Variants in DLGAP2 observed in about 807,000 individuals in gnomAD.
The protein encoded by DLGAP2 is disks large-associated protein 2.
A neutral mutation model predicts 100.3 loss-of-function variants in DLGAP2; 26 were observed. The observed-to-expected ratio is 0.26, with a 90% CI of 0.19 to 0.36. The LOEUF is 0.36. Ranked by LOEUF, DLGAP2 falls within the 10% of genes least tolerant of loss-of-function variation. The probability of loss-of-function intolerance (pLI) is 1.00; values close to 1 mark genes in which losing one functional copy is unlikely to be tolerated. For synonymous variants in DLGAP2, 886 were observed against 630.1 expected, an observed-to-expected ratio of 1.41 and a Z score of -6.08; for missense variants, 1,858 against 1,453.2, an observed-to-expected ratio of 1.28 and a Z score of -4.53.
At chr8:1,416,519 G>A (rs1319734305) in intron 3 of DLGAP2, among the ~76,000 whole-genome samples, 1 of 152,180 alleles carries the variant, frequency 6.6e-6, no homozygotes, top group Non-Finnish European at 1.5e-5. Context: ...TGGAGTTCTA[G>A]CCCCGCTGAA....
At chr8:760,598 G>C (rs951548251) in intron 1 of DLGAP2, among the ~76,000 whole-genome samples, 2 of 152,190 alleles carry the variant, frequency 1.3e-5, no homozygotes, top group Non-Finnish European at 2.9e-5. Flanking sequence ...CTTTAACTCA[G>C]TGTTGTTGCT....
chr8:1,377,403 G>A (rs1378064975), intron 3 of DLGAP2, among the ~76,000 whole-genome samples: 2 of 152,220 alleles, frequency 1.3e-5, no homozygotes, highest in African/African-American at 4.8e-5. Flanking sequence ...AATTAGCCAG[G>A]CGAGGTGGCA....
intron 2 of DLGAP2, among the ~76,000 whole-genome samples, chr8:962,232 C>G (rs1456517322): frequency 6.6e-6 from 1 of 152,144 alleles, no homozygotes; most frequent in Non-Finnish European, 1.5e-5. Flanking sequence ...GTGAAAGGGT[C>G]TCCCATCTCA....
At chr8:1,392,421 C>T (rs894663845) in intron 3 of DLGAP2, among the ~76,000 whole-genome samples, 2 of 152,192 alleles carry the variant, frequency 1.3e-5, no homozygotes, top group Non-Finnish European at 2.9e-5. Context: ...TGGCCCCCGT[C>T]GGCCTGACTT....
At chr8:1,545,673 C>G (rs1801510956) in intron 4 of DLGAP2, among the ~76,000 whole-genome samples, 1 of 152,208 alleles carries the variant, frequency 6.6e-6, no homozygotes, top group Non-Finnish European at 1.5e-5. Context: ...AGCACGCTGC[C>G]ATTGTCATTA....
intron 2 of DLGAP2, among the ~76,000 whole-genome samples, chr8:989,853 C>G (rs774923566): frequency 7.2e-5 from 11 of 152,138 alleles, no homozygotes; most frequent in Non-Finnish European, 1.6e-4. Flanking sequence ...TCTCATGACA[C>G]CAGCTGCTCT....
chr8:1,260,759 T>C (rs963633273), intron 3 of DLGAP2, among the ~76,000 whole-genome samples: 2 of 152,194 alleles, frequency 1.3e-5, no homozygotes, highest in African/African-American at 4.8e-5. Context: ...ACATTCTAGG[T>C]CATGGGATTG....
intron 7 of DLGAP2, among the ~76,000 whole-genome samples, chr8:1,628,529 C>T (rs557719522): frequency 1.2e-4 from 18 of 149,300 alleles, no homozygotes; most frequent in African/African-American, 4.0e-4. Context: ...CCTGAGCTGA[C>T]CTCACATTCT....
chr8:1,168,278 T>C (rs1797059259), intron 2 of DLGAP2, among the ~76,000 whole-genome samples: 2 of 151,950 alleles, frequency 1.3e-5, no homozygotes, highest in Non-Finnish European at 2.9e-5. Context: ...ATCCAGTCTA[T>C]CATTGTTGGA....
chr8:1,707,072 T>C lies in DLGAP2; in HGVS notation c.*5666T>C, dbSNP rs1799728227. ...CAGAAGAAATGTTCGTTACCTACTA[T>C]CAAACTACTTTTTAACAGATTTTGT... On this transcript the variant is annotated 3_prime_UTR_variant, in exon 15 of 15. Transcript: ENST00000637795. 1 of 152,672 alleles carries C rather than the reference T, an allele frequency of 6.5e-6. No homozygotes were observed. The highest frequency in any genetic ancestry group is 2.4e-5 in the African/African-American group (1 of 41,462). The allele number at this position is 152,672 out of a possible 1,614,324, so 9.5% of individuals were successfully genotyped here.
intron 2 of DLGAP2, among the ~76,000 whole-genome samples, chr8:1,128,665 G>T (rs1162880466): frequency 6.6e-6 from 1 of 152,178 alleles, no homozygotes; most frequent in African/African-American, 2.4e-5. Flanking sequence ...CCTGTCCCTG[G>T]TGTTAAGAGA....
At chr8:890,889 C>A (rs959372796) in intron 1 of DLGAP2, among the ~76,000 whole-genome samples, 1 of 152,140 alleles carries the variant, frequency 6.6e-6, no homozygotes, top group East Asian at 1.9e-4. Context: ...GTTCTTGGCA[C>A]CCCAGCTGGG....
chr8:1,517,626 C>T (rs537107589), intron 4 of DLGAP2, among the ~76,000 whole-genome samples: 2 of 152,318 alleles, frequency 1.3e-5, no homozygotes, highest in South Asian at 4.1e-4. Flanking sequence ...AATGCAGGCA[C>T]ACACCTGCTA....
chr8:1,235,995 C>A (rs1427666048), intron 2 of DLGAP2, among the ~76,000 whole-genome samples: 1 of 33,702 alleles, frequency 3.0e-5, no homozygotes, highest in African/African-American at 9.3e-5. Flanking sequence ...CTCTCTCACA[C>A]ATAGCGTCAT....
chr8:1,008,868 C>T lies in DLGAP2; in HGVS notation c.73+100902C>T, dbSNP rs566934416. Among the ~76,000 whole-genome samples, 13 of 152,354 alleles carry T rather than the reference C, an allele frequency of 8.5e-5. No homozygotes were observed. In the East Asian group the frequency reaches 1.2e-3, roughly 14 times the overall value. ...AGTCCTGATTCCGCCCAGGCAGCTC[C>T]GAACATGGGTGAGACCACATGGCCC... On this transcript the variant is annotated intron_variant, in intron 2 of 14. Coordinates refer to ENST00000637795, the MANE Select transcript of DLGAP2 (RefSeq NM_001346810.2).
At chr8:852,891 C>A (rs781404947) in intron 1 of DLGAP2, among the ~76,000 whole-genome samples, 1 of 151,266 alleles carries the variant, frequency 6.6e-6, no homozygotes, top group Admixed American at 6.6e-5. Context: ...ATCCCCTGGC[C>A]GATTCCGTTA....
chr8:1,172,495 G>A (rs1408188113), intron 2 of DLGAP2, among the ~76,000 whole-genome samples: 1 of 152,142 alleles, frequency 6.6e-6, no homozygotes, highest in Non-Finnish European at 1.5e-5. Context: ...ACTTGGTTCT[G>A]TTCTCCCTGT....
chr8:1,303,161 G>C lies in DLGAP2; in HGVS notation c.106+44278G>C, dbSNP rs556012364. ...GCCTGTAATCCCAGCACTTTGGAAGGCCGAGGCGGGTGGATCACAAGGTCA... is the reference window on the plus strand; with the variant it reads ...GCCTGTAATCCCAGCACTTTGGAAGCCCGAGGCGGGTGGATCACAAGGTCA... On this transcript the variant is annotated intron_variant, in intron 3 of 14. Transcript: ENST00000637795. 1.4e-4 allele frequency among the ~76,000 whole-genome samples: 22 copies of C among 152,320 alleles called. No individual in the cohort carries two copies. In the East Asian group the frequency reaches 4.1e-3, roughly 28 times the overall value.
At chr8:1,237,686 CACCGTGTCTAGTTCTCTCACATGGT>C (rs1798695117) in intron 2 of DLGAP2, among the ~76,000 whole-genome samples, 1 of 115,572 alleles carries the variant, frequency 8.7e-6, no homozygotes, top group Admixed American at 8.6e-5. Flanking sequence ...TCTCACATGG[CACCGTGTCTAGTTCTCTCACATGGT>C]GCCATGTCTA....
Sources: allele counts gnomAD v4.1 joint callset (sites outside exome capture counted in the v4.1 genomes callset), GRCh38; gene constraint gnomAD v4.1.1; transcripts MANE v1.5; gene names NCBI Gene and HGNC (gene_info 2026-07-23, HGNC 2026-07-21).